The following INTS7 variants were observed in gnomAD, a reference collection of about 807,000 sequenced individuals.
The protein encoded by INTS7 is chromosome 1 open reading frame 73.
In INTS7, 46 loss-of-function variants were observed where a neutral mutation model predicts 109.2. The ratio of observed to expected loss-of-function variants is 0.42; its 90% CI spans 0.33 to 0.54. The LOEUF is 0.54. INTS7 is among the 20% of genes least tolerant of loss of function. The pLI, the probability that INTS7 is intolerant of heterozygous loss-of-function variation, is 0.07. For synonymous variants in INTS7, 412 were observed against 402.9 expected (o/e 1.02, Z -0.27); for missense variants, 929 against 1,132.4 (o/e 0.82, Z 2.58).
At chr1:212,012,020 C>T (rs1316466076) in intron 4 of INTS7, among the ~76,000 whole-genome samples, 1 of 152,086 alleles carries the variant, frequency 6.6e-6, no homozygotes, top group Non-Finnish European at 1.5e-5. Context: ...TTCAGATTAT[C>T]CCCTCTCCTT....
intron 16 of INTS7, 97 bp downstream of exon 16, chr1:211,966,333 T>A (rs1260390126): frequency 1.8e-5 from 11 of 621,684 alleles, no homozygotes; most frequent in Non-Finnish European, 2.0e-5. Flanking sequence ...TGTTTTTACT[T>A]CCATAGTACT....
At chr1:212,004,530 A>T (rs1303634127) in intron 7 of INTS7, among the ~76,000 whole-genome samples, 1 of 152,196 alleles carries the variant, frequency 6.6e-6, no homozygotes, top group Non-Finnish European at 1.5e-5. Flanking sequence ...TAAGGGACCT[A>T]AAATAAGTGG....
chr1:212,011,718 A>T (rs1238678897), intron 4 of INTS7: 1 of 283,952 alleles, frequency 3.5e-6, no homozygotes, highest in Non-Finnish European at 6.6e-6. Context: ...TTTTGTGTTT[A>T]TATAACAACA....
At chr1:211,950,922 ATGTG>A (rs1317754695) in intron 17 of INTS7, among the ~76,000 whole-genome samples, 1 of 152,192 alleles carries the variant, frequency 6.6e-6, no homozygotes, top group Non-Finnish European at 1.5e-5. Context: ...TCTCACACAG[ATGTG>A]TGTATTTCTT....
chr1:211,964,716 T>C (rs929357043), intron 16 of INTS7, among the ~76,000 whole-genome samples: 2 of 152,076 alleles, frequency 1.3e-5, no homozygotes, highest in African/African-American at 4.8e-5. Flanking sequence ...AAACAAGCAA[T>C]AGGGAAAGGA....
At chr1:211,947,836 G>C (rs960907848) in intron 17 of INTS7, among the ~76,000 whole-genome samples, 2 of 152,108 alleles carry the variant, frequency 1.3e-5, no homozygotes, top group African/African-American at 2.4e-5. Context: ...AAGCACTCAC[G>C]GTACATCAAA....
At chr1:212,032,226 T>C (rs1477751351) in intron 1 of INTS7, among the ~76,000 whole-genome samples, 1 of 152,134 alleles carries the variant, frequency 6.6e-6, no homozygotes, top group African/African-American at 2.4e-5. Context: ...AGTGTCACCA[T>C]CTCGGTCTAA....
rs373800421 is a variant in INTS7, at chr1:211,949,607, A to G, written c.2317-2902T>C. Among the ~76,000 whole-genome samples, 4 of 152,324 alleles carry G rather than the reference A, an allele frequency of 2.6e-5. No homozygotes were observed. The South Asian group carries it at 8.3e-4, about 32-fold the overall frequency. ...GTTTGGATTACTGAAAAAGCCTTGTAGTCATTCTTCTTTCCTCTAATTCCA... is the reference window on the plus strand; with the variant it reads ...GTTTGGATTACTGAAAAAGCCTTGTGGTCATTCTTCTTTCCTCTAATTCCA... On this transcript the variant is annotated intron_variant, in intron 17 of 19. Coordinates refer to ENST00000366994, the MANE Select transcript of INTS7 (RefSeq NM_015434.4).
At chr1:212,026,419 GAGAT>G (rs1164871382) in intron 1 of INTS7, among the ~76,000 whole-genome samples, 1 of 152,098 alleles carries the variant, frequency 6.6e-6, no homozygotes, top group Non-Finnish European at 1.5e-5. Flanking sequence ...ATTTCTAACT[GAGAT>G]AGAACACATC....
intron 13 of INTS7, among the ~76,000 whole-genome samples, chr1:211,974,050 A>G (rs1028762840): frequency 1.3e-5 from 2 of 152,030 alleles, no homozygotes; most frequent in Admixed American, 6.6e-5. Context: ...CAAATATTCA[A>G]CAGAATTTTT....
intron 1 of INTS7, among the ~76,000 whole-genome samples, chr1:212,030,553 T>G (rs1013872130): frequency 3.9e-5 from 6 of 152,142 alleles, no homozygotes; most frequent in African/African-American, 1.4e-4. Flanking sequence ...CCTCCCAAAG[T>G]GCTGGGATGA....
intron 13 of INTS7, among the ~76,000 whole-genome samples, chr1:211,971,969 TAAAG>T (rs1387728232): frequency 7.7e-5 from 11 of 142,302 alleles, no homozygotes; most frequent in African/African-American, 2.6e-4. Flanking sequence ...GAAAAAATTA[TAAAG>T]AAAGGCAATG....
At position 212,025,965 on chromosome 1, in the gene INTS7, G is replaced by A. The variant is rs146464252; in HGVS notation, c.95-4753C>T. ...GAGGCCAGGAGTTCAAGACCAGCCT[G>A]GGCAACATGGTAAAACCCCGTTTAA... On this transcript the variant is annotated intron_variant, in intron 1 of 19. Transcript: ENST00000366994. Among the ~76,000 whole-genome samples, 872 of 152,202 alleles carry A rather than the reference G, an allele frequency of 5.7e-3. 6 individuals carry two copies. The highest frequency in any genetic ancestry group is 0.019 in the African/African-American group (807 of 41,518).
intron 17 of INTS7, among the ~76,000 whole-genome samples, chr1:211,947,067 T>C (rs146233218): frequency 6.6e-6 from 1 of 152,336 alleles, no homozygotes; most frequent in East Asian, 1.9e-4. Flanking sequence ...CAAAGTATGA[T>C]AAACAGTATG....
intron 4 of INTS7, among the ~76,000 whole-genome samples, chr1:212,012,104 T>TG (rs1457259306): frequency 6.6e-6 from 1 of 152,150 alleles, no homozygotes; most frequent in African/African-American, 2.4e-5. Context: ...GCACTTTAGA[T>TG]GGAGTGGACG....
At chr1:211,990,448 A>G (rs1302952104) in intron 7 of INTS7, among the ~76,000 whole-genome samples, 7 of 152,250 alleles carry the variant, frequency 4.6e-5, no homozygotes, top group African/African-American at 1.4e-4. Context: ...GGAAGGATAC[A>G]TAAGAAACTA....
intron 10 of INTS7, among the ~76,000 whole-genome samples, chr1:211,979,170 C>A (rs1171392561): frequency 6.6e-6 from 1 of 152,196 alleles, no homozygotes; most frequent in Non-Finnish European, 1.5e-5. Flanking sequence ...CTAACAGATT[C>A]TTTTGTCAAG....
chr1:211,976,165 C>A (rs972417903), intron 12 of INTS7, among the ~76,000 whole-genome samples: 1 of 152,172 alleles, frequency 6.6e-6, no homozygotes, highest in South Asian at 2.1e-4. Context: ...ACTTGTTAGG[C>A]TTTCCATATG....
chr1:211,971,915 C>CAAAAAAAAAAAAAA (rs745814699), intron 13 of INTS7, among the ~76,000 whole-genome samples: 42 of 79,764 alleles, frequency 5.3e-4, no homozygotes, highest in Non-Finnish European at 5.9e-4. Context: ...AACTCAGTCT[C>CAAAAAAAAAAAAAA]AAAAAAAAAA....
Sources: allele counts gnomAD v4.1 joint callset (sites outside exome capture counted in the v4.1 genomes callset), GRCh38; gene constraint gnomAD v4.1.1; transcripts MANE v1.5; gene names NCBI Gene and HGNC (gene_info 2026-07-23, HGNC 2026-07-21).